Variants in ALDH5A1 observed in about 807,000 individuals in gnomAD.
The protein encoded by ALDH5A1 is aldehyde dehydrogenase 5 family member A1.
In ALDH5A1, 33 loss-of-function variants were observed where a neutral mutation model predicts 54.7. The ratio of observed to expected loss-of-function variants is 0.60; its 90% CI spans 0.46 to 0.81. The LOEUF (loss-of-function observed/expected upper bound fraction) is 0.81. Among genes scored for constraint, ALDH5A1 ranks in the 30% least tolerant of loss-of-function variants. The pLI, the probability that ALDH5A1 is intolerant of heterozygous loss-of-function variation, is 0.00. For synonymous variants in ALDH5A1, 294 were observed against 292.7 expected, an observed-to-expected ratio of 1.00 and a Z score of -0.05; for missense variants, 657 against 711.0, an observed-to-expected ratio of 0.92 and a Z score of 0.86.
rs892693883 is a variant in ALDH5A1 at position 24,518,733 on chromosome 6, A to G, written c.871-1668A>G. On this transcript the variant is annotated intron_variant, in intron 5 of 9. Coordinates refer to ENST00000357578, the MANE Select transcript of ALDH5A1 (RefSeq NM_001080.3). This position sits in a 1 kb window ranked among gnomAD's most constrained non-coding sequence, Gnocchi z 4.2. ...ATACAGACACATACACAGTACCCACACAGGCCTAGCTTTCCAGCCATTCTG... is the reference window on the plus strand; with the variant it reads ...ATACAGACACATACACAGTACCCACGCAGGCCTAGCTTTCCAGCCATTCTG... Among the ~76,000 whole-genome samples, 2 of 152,190 alleles carry G rather than the reference A, an allele frequency of 1.3e-5. No individual in the cohort carries two copies. Among genetic ancestry groups the G allele is most frequent in the African/African-American group, 2.4e-5 (1 of 41,436 alleles).
At chr6:24,532,917 G>A (rs533640329) in intron 9 of ALDH5A1, among the ~76,000 whole-genome samples, 7 of 152,252 alleles carry the variant, frequency 4.6e-5, no homozygotes, top group East Asian at 1.9e-4. Flanking sequence ...CTTCCTTCTC[G>A]ATGGGGTGAT....
At position 24,536,282 on chromosome 6, in the gene ALDH5A1, T is replaced by C. The variant is rs1760047377; in HGVS notation, c.*2570T>C. The C allele has an allele frequency of 6.6e-6, 1 of 152,188 alleles. No homozygotes were observed. The highest frequency in any genetic ancestry group is 1.5e-5 in the Non-Finnish European group (1 of 68,040). 9.4% of individuals were successfully genotyped at this position (152,188 alleles called of 1,614,324 possible). On this transcript the variant is annotated 3_prime_UTR_variant, in exon 10 of 10. Coordinates refer to ENST00000357578, the MANE Select transcript of ALDH5A1 (RefSeq NM_001080.3). ...CTGTGAGCTAAGAATGGTTTATATG[T>C]TTTCAAATGATTGGGCAGAAAATCA...
chr6:24,504,272 A>G (rs996899632), intron 3 of ALDH5A1, among the ~76,000 whole-genome samples: 1 of 152,244 alleles, frequency 6.6e-6, no homozygotes, highest in Non-Finnish European at 1.5e-5. Context: ...AAAATACCTG[A>G]TACAGAGTAA....
In ALDH5A1 at chr6:24,533,610, C is replaced by T. The variant is rs200605419; in HGVS notation, c.1506C>T (p.Cys502=). The T allele has an allele frequency of 1.2e-5, 20 of 1,614,040 alleles. No homozygotes were observed. The Middle Eastern group carries it at 4.9e-4, about 40-fold the overall frequency. ...VNEGLISSVE[C]PFGGVKQSGL... The stretch of plus-strand genomic sequence containing the variant: ...AAGGATTAATTTCCTCTGTGGAGTG[C>T]CCTTTTGGTGGAGTGAAGCAGTCCG... Residue 502 remains cysteine (C), a synonymous_variant, in exon 10 of 10, where the codon TGC becomes TGT. Coordinates refer to ENST00000357578, the MANE Select transcript of ALDH5A1 (RefSeq NM_001080.3).
chr6:24,533,206 C>T (rs1347176574), intron 9 of ALDH5A1, among the ~76,000 whole-genome samples: 1 of 152,000 alleles, frequency 6.6e-6, no homozygotes, highest in Non-Finnish European at 1.5e-5. Context: ...CAGGAGTCAT[C>T]GAAAGGCTTG....
At chr6:24,505,093 C>G (rs530411100) in intron 4 of ALDH5A1, 108 bp downstream of exon 4, 1 of 1,105,446 alleles carries the variant, frequency 9.0e-7, no homozygotes, top group East Asian at 2.3e-5. Flanking sequence ...CTTACGCCTC[C>G]TGATGCATGG....
In ALDH5A1 at chr6:24,504,954, A is replaced by T; in HGVS notation, c.695A>T (p.Asp232Val). 3 of 1,614,186 alleles carry T rather than the reference A, an allele frequency of 1.9e-6. No individual in the cohort carries two copies. The South Asian group carries it at 3.3e-5, about 18-fold the overall frequency. ...ACTGTCGTGGTGAAGCCTGCCGAAGACACGCCCTTCTCCGCCCTGGCCCTG... is the reference window on the plus strand; with the variant it reads ...ACTGTCGTGGTGAAGCCTGCCGAAGTCACGCCCTTCTCCGCCCTGGCCCTG... ...GCTVVVKPAE[D>V]TPFSALALAE... is the part of the protein sequence containing the mutation. The change falls in exon 4 of 10, where the codon GAC becomes GTC. Residue 232 changes from aspartate (D) to valine (V), a missense_variant. Around this residue, in one of 2 missense-constraint regions of ALDH5A1, gnomAD observed 425 missense variants for 516.4 expected, o/e 0.82. Coordinates refer to ENST00000357578, the MANE Select transcript of ALDH5A1 (RefSeq NM_001080.3).
At chr6:24,506,108 TATGTGTACAC>T (rs1421391784) in intron 4 of ALDH5A1, among the ~76,000 whole-genome samples, 5 of 151,932 alleles carry the variant, frequency 3.3e-5, no homozygotes, top group Admixed American at 6.6e-5. Context: ...GATATACATA[TATGTGTACAC>T]ATGTGTACAC....
chr6:24,514,514 G>A (rs1404988676), intron 4 of ALDH5A1, among the ~76,000 whole-genome samples: 1 of 152,078 alleles, frequency 6.6e-6, no homozygotes, highest in Non-Finnish European at 1.5e-5. Context: ...TGAGGTGGGC[G>A]GATCACTTGA....
intron 7 of ALDH5A1, among the ~76,000 whole-genome samples, chr6:24,523,686 G>A (rs1357722637): frequency 1.3e-5 from 2 of 152,182 alleles, no homozygotes; most frequent in Non-Finnish European, 2.9e-5. Context: ...GAGATGGTTT[G>A]CGTTTCGGCT....
At chr6:24,512,552 C>T (rs1561872898) in intron 4 of ALDH5A1, among the ~76,000 whole-genome samples, 1 of 152,228 alleles carries the variant, frequency 6.6e-6, no homozygotes, top group Non-Finnish European at 1.5e-5. Flanking sequence ...TCCTTCACCT[C>T]ATTTCCAAAG....
intron 4 of ALDH5A1, among the ~76,000 whole-genome samples, chr6:24,514,242 G>A (rs572041357): frequency 6.6e-6 from 1 of 152,242 alleles, no homozygotes; most frequent in Non-Finnish European, 1.5e-5. Context: ...TCATCCCCCT[G>A]GGAAATCACC....
intron 4 of ALDH5A1, among the ~76,000 whole-genome samples, chr6:24,513,271 C>T (rs866641992): frequency 1.3e-5 from 2 of 151,888 alleles, no homozygotes; most frequent in African/African-American, 4.8e-5. Context: ...CACTATGTTG[C>T]GTAGCCTGGT....
intron 8 of ALDH5A1, among the ~76,000 whole-genome samples, chr6:24,528,374 T>C (rs1759862846): frequency 6.9e-6 from 1 of 145,732 alleles, no homozygotes; most frequent in South Asian, 2.1e-4. Flanking sequence ...ATTTTTTTTT[T>C]CTTTTTGAGA....
chr6:24,525,184 G>A (rs368932666), intron 7 of ALDH5A1, among the ~76,000 whole-genome samples: 38 of 152,232 alleles, frequency 2.5e-4, no homozygotes, highest in Non-Finnish European at 5.3e-4. Flanking sequence ...ACAAGAAAAG[G>A]GCAGAGCAGA....
chr6:24,530,770 G>T (rs1288641828), intron 8 of ALDH5A1, among the ~76,000 whole-genome samples: 2 of 152,216 alleles, frequency 1.3e-5, no homozygotes, highest in African/African-American at 4.8e-5. Context: ...TACCTGCTGG[G>T]CACGAGCACT....
In ALDH5A1 at chr6:24,533,732, A is replaced by C; in HGVS notation, c.*20A>C. The C allele has an allele frequency of 6.2e-7, 1 of 1,610,162 alleles. No individual in the cohort carries two copies. The highest frequency in any genetic ancestry group is 8.5e-7 in the Non-Finnish European group (1 of 1,176,890). ...TTGTAGGATTCTTTGGTTCTTTAAA[A>C]AAATTTAAAAGGAGACTTATCTACA... On this transcript the variant is annotated 3_prime_UTR_variant, in exon 10 of 10. Coordinates refer to ENST00000357578, the MANE Select transcript of ALDH5A1 (RefSeq NM_001080.3).
At chr6:24,532,085 T>G in intron 8 of ALDH5A1, 34 bp from the exon 9 acceptor site, 1 of 1,605,540 alleles carries the variant, frequency 6.2e-7, no homozygotes, top group Non-Finnish European at 8.5e-7. Flanking sequence ...CCTCTCCCCC[T>G]TACATTTTTT....
chr6:24,503,518 T>G, intron 3 of ALDH5A1, 85 bp downstream of exon 3: 1 of 1,508,970 alleles, frequency 6.6e-7, no homozygotes, highest in Non-Finnish European at 9.0e-7. Context: ...TGAGCAGGTG[T>G]GCTCATCCTG....
Sources: gnomAD v4.1 joint callset for allele counts (sites outside exome capture counted in the v4.1 genomes callset) on GRCh38, gnomAD v4.1.1 for gene constraint, gnomAD v4.1.1 regional missense constraint, Gnocchi (gnomAD v3.1) non-coding constraint, MANE v1.5 for transcripts, NCBI Gene and HGNC (gene_info 2026-07-23, HGNC 2026-07-21) for gene names.